The following DYNC2I1 variants were observed in gnomAD, a reference collection of about 807,000 sequenced individuals.
DYNC2I1 encodes the protein cytoplasmic dynein 2 intermediate chain 1.
A neutral mutation model predicts 133.4 loss-of-function variants in DYNC2I1; 89 were observed. That is an observed-to-expected ratio of 0.67 (90% confidence interval 0.56 to 0.80). The LOEUF is 0.80. Ranked by LOEUF, DYNC2I1 falls within the 30% of genes least tolerant of loss-of-function variation. DYNC2I1 has a pLI of 0.00. For missense variants in DYNC2I1, 1,291 were observed against 1,314.5 expected (o/e 0.98, Z 0.28); for synonymous variants, 504 against 484.3 (o/e 1.04, Z -0.54).
chr7:158,871,307 A>T lies in DYNC2I1; in HGVS notation c.235A>T (p.Ser79Cys). 1 of 1,571,458 alleles carries T rather than the reference A, an allele frequency of 6.4e-7. No individual in the cohort carries two copies. Among genetic ancestry groups the T allele is most frequent in the Non-Finnish European group, 8.6e-7 (1 of 1,157,552 alleles). ...RVAEVHTAKE[S>C]PRGERDRDRQ... ...GGCCGAAGTCCACACCGCTAAGGAG[A>T]GTCCTCGTGGGGAGAGGGACAGAGA... Residue 79 changes from serine (S) to cysteine (C), a missense_variant, in exon 3 of 25, where the codon AGT becomes TGT. Physicochemically the swap from Ser to Cys is moderately radical, Grantham distance 112. Coordinates refer to ENST00000407559, the MANE Select transcript of DYNC2I1 (RefSeq NM_018051.5).
At chr7:158,917,872 A>G (rs924600163) in intron 14 of DYNC2I1, among the ~76,000 whole-genome samples, 20 of 152,162 alleles carry the variant, frequency 1.3e-4, no homozygotes, top group Admixed American at 1.2e-3. Context: ...TCCTCACTAC[A>G]CATTCCCTTT....
At chr7:158,860,916 G>T (rs888050491) in intron 1 of DYNC2I1, among the ~76,000 whole-genome samples, 4 of 152,192 alleles carry the variant, frequency 2.6e-5, no homozygotes, top group Non-Finnish European at 4.4e-5. Flanking sequence ...GGTCTCCAAG[G>T]TTGGTCCTCA....
intron 14 of DYNC2I1, among the ~76,000 whole-genome samples, chr7:158,915,589 A>T (rs1848069126): frequency 6.6e-6 from 1 of 151,050 alleles, no homozygotes; most frequent in African/African-American, 2.4e-5. Context: ...ACGCTGGTTG[A>T]GATTAAGGAT....
chr7:158,869,583 C>A, intron 1 of DYNC2I1: 1 of 511,654 alleles, frequency 2.0e-6, no homozygotes, highest in South Asian at 1.7e-5. Flanking sequence ...TGTTCAACTG[C>A]TGTTATAACT....
intron 20 of DYNC2I1, among the ~76,000 whole-genome samples, 169 bp from the exon 21 acceptor site, chr7:158,930,286 A>G (rs1029692823): frequency 5.3e-5 from 8 of 152,236 alleles, no homozygotes; most frequent in Non-Finnish European, 8.8e-5. Flanking sequence ...AAGGCAGGAT[A>G]CGTGAACCTC....
At chr7:158,865,489 G>A (rs1209250217) in intron 1 of DYNC2I1, among the ~76,000 whole-genome samples, 1 of 152,192 alleles carries the variant, frequency 6.6e-6, no homozygotes, top group Non-Finnish European at 1.5e-5. Flanking sequence ...CTGGGCAGCC[G>A]CTCATCTCCT....
chr7:158,923,859 G>T, intron 17 of DYNC2I1, 126 bp downstream of exon 17: 1 of 1,158,298 alleles, frequency 8.6e-7, no homozygotes, highest in Non-Finnish European at 1.2e-6. Flanking sequence ...CTGACCCATG[G>T]GCAAAAGAGG....
chr7:158,905,383 C>T (rs867780978), intron 10 of DYNC2I1: 32 of 242,688 alleles, frequency 1.3e-4, no homozygotes, highest in South Asian at 1.2e-3. Context: ...TCAAGTGATC[C>T]GCCTGCCTCG....
intron 8 of DYNC2I1, among the ~76,000 whole-genome samples, chr7:158,895,461 T>C (rs1439862771): frequency 2.0e-5 from 3 of 152,206 alleles, no homozygotes; most frequent in Admixed American, 2.0e-4. Flanking sequence ...TTTATGTGGG[T>C]CTATTTCTGG....
intron 10 of DYNC2I1, chr7:158,904,303 GCA>G (rs1489087217): frequency 2.0e-5 from 3 of 152,282 alleles, no homozygotes; most frequent in African/African-American, 7.2e-5. Context: ...TGAGTGCTAA[GCA>G]CCGGTTTGTT....
In DYNC2I1 at chr7:158,910,644, C is replaced by CGAGGGCAATTG. The variant is rs533559854; in HGVS notation, c.1461-893_1461-883dup. ...ACTTGGCTGTGTCAGGCCTGTGGGCCGAGGGCAATTGGAGGGCAATTGGCT... is the reference window on the plus strand; with the variant it reads ...ACTTGGCTGTGTCAGGCCTGTGGGCCGAGGGCAATTGGAGGGCAATTGGAGGGCAATTGGCT... On this transcript the variant is annotated intron_variant, in intron 11 of 24. Transcript: ENST00000407559. Among the ~76,000 whole-genome samples, 1,203 of 129,902 alleles carry CGAGGGCAATTG rather than the reference C, an allele frequency of 9.3e-3. 8 individuals are homozygous for CGAGGGCAATTG. The highest frequency in any genetic ancestry group is 0.016 in the Non-Finnish European group (951 of 60,896). 85.2% of individuals were successfully genotyped at this position (129,902 alleles called of 152,430 possible).
chr7:158,930,444 T>A lies in DYNC2I1; in HGVS notation c.2486-11T>A. 6.2e-7 allele frequency: 1 copy of A among 1,610,332 alleles called. No homozygotes were observed. Among genetic ancestry groups the A allele is most frequent in the Non-Finnish European group, 8.5e-7 (1 of 1,178,316 alleles). ...TGAAAGGTGCATTGATTTTGGTTCA[T>A]CTCTTTTTAGGTCTGATGCCTGGAG... On this transcript the variant is annotated splice_polypyrimidine_tract_variant and intron_variant, in intron 20 of 24. Coordinates refer to ENST00000407559, the MANE Select transcript of DYNC2I1 (RefSeq NM_018051.5).
chr7:158,880,983 G>A (rs1229725295), intron 5 of DYNC2I1, among the ~76,000 whole-genome samples: 3 of 152,192 alleles, frequency 2.0e-5, no homozygotes, highest in Admixed American at 1.3e-4. Flanking sequence ...CAGCAGAAGC[G>A]CAGGACCCGG....
chr7:158,871,698 G>T, intron 3 of DYNC2I1, 136 bp downstream of exon 3: 2 of 1,054,506 alleles, frequency 1.9e-6, no homozygotes, highest in Admixed American at 2.9e-5. Flanking sequence ...TCTGGACAGG[G>T]TCTTGCTCTG....
chr7:158,921,865 C>T (rs908036693), intron 15 of DYNC2I1, among the ~76,000 whole-genome samples: 7 of 152,218 alleles, frequency 4.6e-5, no homozygotes, highest in Admixed American at 1.3e-4. Flanking sequence ...TGAGAGCTGC[C>T]GGCACGGCCA....
intron 8 of DYNC2I1, among the ~76,000 whole-genome samples, chr7:158,895,286 A>C (rs532765639): frequency 1.5e-4 from 23 of 152,176 alleles, no homozygotes; most frequent in Non-Finnish European, 2.6e-4. Context: ...CGCATTTTAC[A>C]CTTAGGTCTG....
Position 158,871,566 on chromosome 7 carries a change from G to A in DYNC2I1, c.490+4G>A. Reference sequence around the variant, plus strand: ...GCGGAGAGGAAAGGCCGCTCAGGTGGGTCCCCGCTTGCCTTCCTGTGGTTC... The same window carrying A: ...GCGGAGAGGAAAGGCCGCTCAGGTGAGTCCCCGCTTGCCTTCCTGTGGTTC... On this transcript the variant is annotated splice_donor_region_variant and intron_variant, in intron 3 of 24. Transcript: ENST00000407559. 2 of 1,525,108 alleles carry A rather than the reference G, an allele frequency of 1.3e-6. No individual in the cohort carries two copies. Among genetic ancestry groups the A allele is most frequent in the East Asian group, 4.9e-5 (2 of 40,846 alleles). 94.5% of individuals were successfully genotyped at this position (1,525,108 alleles called of 1,614,324 possible). A position where few individuals can be genotyped will look rare whatever the true frequency, so the allele number is the denominator to read the frequency against.
intron 21 of DYNC2I1, among the ~76,000 whole-genome samples, chr7:158,931,490 T>C (rs1850210070): frequency 6.6e-6 from 1 of 152,244 alleles, no homozygotes; most frequent in Non-Finnish European, 1.5e-5. Flanking sequence ...ACATGGTTCC[T>C]GGGCAAGCCC....
At chr7:158,900,731 G>GTTTTTTTTTTTTTTTTTTTTTTTTCTT (rs35689002) in intron 8 of DYNC2I1, among the ~76,000 whole-genome samples, 1 of 105,738 alleles carries the variant, frequency 9.5e-6, no homozygotes, top group African/African-American at 3.6e-5. Flanking sequence ...ATTTTGTTCT[G>GTTTTTTTTTTTTTTTTTTTTTTTTCTT]TTTTTTTTTT....
Sources: allele counts gnomAD v4.1 joint callset (sites outside exome capture counted in the v4.1 genomes callset), GRCh38; gene constraint gnomAD v4.1.1; transcripts MANE v1.5; gene names NCBI Gene and HGNC (gene_info 2026-07-23, HGNC 2026-07-21).